The following CLEC16A variants were observed in gnomAD, a reference collection of about 807,000 sequenced individuals.
CLEC16A encodes protein CLEC16A.
In CLEC16A, 51 loss-of-function variants were observed where a neutral mutation model predicts 109.5. That is an observed-to-expected ratio of 0.47 (90% CI 0.37 to 0.59). The LOEUF is 0.59. CLEC16A is among the 20% of genes least tolerant of loss of function. The pLI, the probability that CLEC16A is intolerant of heterozygous loss-of-function variation, is 0.00. For synonymous variants in CLEC16A, 673 were observed against 564.2 expected (o/e 1.19, Z -2.73); for missense variants, 1,339 against 1,394.0 (o/e 0.96, Z 0.63).
chr16:11,076,031 A>G (rs906510395), intron 19 of CLEC16A, among the ~76,000 whole-genome samples: 1 of 152,190 alleles, frequency 6.6e-6, no homozygotes, highest in Non-Finnish European at 1.5e-5. Context: ...ATAGATAGAG[A>G]ACCCAGCTCC....
intron 19 of CLEC16A, among the ~76,000 whole-genome samples, chr16:11,093,347 C>T (rs1209646349): frequency 2.6e-5 from 4 of 152,148 alleles, no homozygotes; most frequent in Non-Finnish European, 4.4e-5. Flanking sequence ...TGGCCATACT[C>T]GTCCCAGTGA....
intron 11 of CLEC16A, among the ~76,000 whole-genome samples, chr16:11,007,423 G>C (rs1257549456): frequency 6.6e-6 from 1 of 152,148 alleles, no homozygotes; most frequent in Non-Finnish European, 1.5e-5. Context: ...GTCTTGGTTG[G>C]GGCAAGCCAG....
intron 19 of CLEC16A, among the ~76,000 whole-genome samples, chr16:11,068,610 C>T (rs1173756107): frequency 6.6e-6 from 1 of 152,180 alleles, no homozygotes; most frequent in Admixed American, 6.5e-5. Flanking sequence ...GGCTTCCAGA[C>T]AGTTGATGGC....
chr16:11,114,485 C>G (rs569324134), intron 19 of CLEC16A, among the ~76,000 whole-genome samples: 10 of 152,284 alleles, frequency 6.6e-5, no homozygotes, highest in African/African-American at 2.2e-4. Context: ...CTGCCACATA[C>G]CACGACAGAG....
At chr16:11,038,371 A>G (rs951807122) in intron 13 of CLEC16A, among the ~76,000 whole-genome samples, 1 of 152,180 alleles carries the variant, frequency 6.6e-6, no homozygotes, top group Non-Finnish European at 1.5e-5. Flanking sequence ...TACAAGCGCA[A>G]ATAATCCATT....
intron 10 of CLEC16A, among the ~76,000 whole-genome samples, chr16:10,987,311 G>A (rs886888543): frequency 7.9e-5 from 12 of 152,176 alleles, no homozygotes; most frequent in Non-Finnish European, 1.5e-4. Context: ...GATATTGACA[G>A]TGATACATAG....
At chr16:11,060,871 C>T (rs763999311) in intron 18 of CLEC16A, 31 bp from the exon 19 acceptor site, 3 of 1,566,198 alleles carry the variant, frequency 1.9e-6, no homozygotes, top group East Asian at 2.3e-5. Flanking sequence ...TGCAATCTCA[C>T]TCTTCTCTGC....
At chr16:11,128,550 A>G (rs1254963174) in intron 22 of CLEC16A, among the ~76,000 whole-genome samples, 4 of 152,208 alleles carry the variant, frequency 2.6e-5, no homozygotes, top group African/African-American at 9.6e-5. Flanking sequence ...CCACTCAGCT[A>G]TGAGGAGTGA....
At chr16:11,020,110 T>G in intron 11 of CLEC16A, 83 bp from the exon 12 acceptor site, 1 of 1,476,342 alleles carries the variant, frequency 6.8e-7, no homozygotes, top group East Asian at 2.4e-5. Context: ...TTTATGCATA[T>G]TTATTCTCCA....
chr16:11,120,838 A>ACC lies in CLEC16A; in HGVS notation c.2268+73_2268+74dup, dbSNP rs766527959. Reference sequence around the variant, plus strand: ...CACACACACACACACACACACACACACCACACACAATTGTCATCTTTATCA... The same window carrying ACC: ...CACACACACACACACACACACACACACCCCACACACAATTGTCATCTTTATCA... On this transcript the variant is annotated intron_variant, in intron 20 of 23. Transcript: ENST00000409790. The ACC allele has an allele frequency of 6.9e-6, 7 of 1,014,536 alleles. No homozygotes were observed. The East Asian group carries it at 1.5e-4, about 22-fold the overall frequency. 62.8% of individuals were successfully genotyped at this position (1,014,536 alleles called of 1,614,324 possible).
At chr16:11,114,879 C>G (rs902035325) in intron 19 of CLEC16A, among the ~76,000 whole-genome samples, 5 of 152,252 alleles carry the variant, frequency 3.3e-5, no homozygotes, top group African/African-American at 1.2e-4. Flanking sequence ...CCCACAGCCT[C>G]TGAAAAGCGA....
chr16:11,046,777 T>A (rs2047657280), intron 16 of CLEC16A, among the ~76,000 whole-genome samples: 1 of 152,176 alleles, frequency 6.6e-6, no homozygotes, highest in Admixed American at 6.5e-5. Context: ...TCCCAGGCAG[T>A]CATGACCCTG....
At position 11,039,880 on chromosome 16, in the gene CLEC16A, C is replaced by A; in HGVS notation, c.1660+4C>A. 1 of 1,611,654 alleles carries A rather than the reference C, an allele frequency of 6.2e-7. No individual in the cohort carries two copies. The highest frequency in any genetic ancestry group is 1.7e-4 in the Middle Eastern group (1 of 6,058). On this transcript the variant is annotated splice_donor_region_variant and intron_variant, in intron 14 of 23. Coordinates refer to ENST00000409790, the MANE Select transcript of CLEC16A (RefSeq NM_015226.3). ...ATGAACAACGCTGCCCAGCCAGGTG[C>A]CCACTTGGGGTGTTGTCTGTCCACA... is the stretch of plus-strand genomic sequence containing the variant.
intron 19 of CLEC16A, among the ~76,000 whole-genome samples, chr16:11,069,070 TAG>T (rs1194439818): frequency 6.7e-6 from 1 of 150,082 alleles, no homozygotes; most frequent in Non-Finnish European, 1.5e-5. Flanking sequence ...TGGCCTCAAA[TAG>T]TCCGCCTGCC....
intron 22 of CLEC16A, among the ~76,000 whole-genome samples, chr16:11,132,991 G>A (rs1244759730): frequency 1.3e-5 from 2 of 152,128 alleles, no homozygotes; most frequent in African/African-American, 4.8e-5. Context: ...TGGTGGTTTG[G>A]GTGTGAGCTG....
chr16:11,116,622 G>A (rs1467902581), intron 19 of CLEC16A, among the ~76,000 whole-genome samples: 1 of 152,128 alleles, frequency 6.6e-6, no homozygotes, highest in African/African-American at 2.4e-5. Context: ...GTTGCTGGGG[G>A]TTACCCGAGA....
chr16:10,989,859 C>G, intron 10 of CLEC16A, among the ~76,000 whole-genome samples: 1 of 152,194 alleles, frequency 6.6e-6, no homozygotes, highest in East Asian at 1.9e-4. Context: ...CTTAGCTCCC[C>G]TGGTCGCTGC....
At chr16:11,150,972 G>T (rs1259729076) in intron 22 of CLEC16A, among the ~76,000 whole-genome samples, 1 of 152,120 alleles carries the variant, frequency 6.6e-6, no homozygotes, top group Non-Finnish European at 1.5e-5. Context: ...TTTTTAGGAG[G>T]CACAGACATA....
chr16:11,022,642 G>C (rs921019335), intron 12 of CLEC16A, among the ~76,000 whole-genome samples: 1 of 152,082 alleles, frequency 6.6e-6, no homozygotes, highest in African/African-American at 2.4e-5. Flanking sequence ...GCTCATGCCT[G>C]TAATCGCAGC....
Sources: gnomAD v4.1 joint callset for allele counts (sites outside exome capture counted in the v4.1 genomes callset) on GRCh38, gnomAD v4.1.1 for gene constraint, MANE v1.5 for transcripts, NCBI Gene and HGNC (gene_info 2026-07-23, HGNC 2026-07-21) for gene names.